HPSE2: variants seen among roughly 807,000 people sequenced by gnomAD.
HPSE2 encodes inactive heparanase-2.
In HPSE2, 38 loss-of-function variants were observed where a neutral mutation model predicts 60.5. That is an observed-to-expected ratio of 0.63 (90% CI 0.48 to 0.82). HPSE2 has a LOEUF of 0.82. Among genes scored for constraint, HPSE2 ranks in the 40% least tolerant of loss-of-function variants. HPSE2 has a pLI of 0.00. For missense variants in HPSE2, 713 were observed against 740.4 expected, an observed-to-expected ratio of 0.96 and a Z score of 0.43; for synonymous variants, 295 against 293.2, an observed-to-expected ratio of 1.01 and a Z score of -0.06.
chr10:98,695,557 G>A (rs1948189650), intron 5 of HPSE2, among the ~76,000 whole-genome samples: 1 of 152,160 alleles, frequency 6.6e-6, no homozygotes, highest in African/African-American at 2.4e-5. Context: ...TGGTAAGGTG[G>A]ATATTGTCAG....
chr10:99,243,091 C>T, the HPSE2 span, among the ~76,000 whole-genome samples: 7 of 152,142 alleles, frequency 4.6e-5, no homozygotes, highest in Middle Eastern at 3.2e-3. Context: ...CAGTGGCTCA[C>T]GCCTATAATC....
intron 3 of HPSE2, among the ~76,000 whole-genome samples, chr10:98,776,827 T>C (rs564310093): frequency 1.7e-4 from 26 of 151,836 alleles, no homozygotes; most frequent in Admixed American, 9.2e-4. Context: ...TCAATGAATA[T>C]TGGGTTTCTT....
chr10:98,758,479 T>G (rs982100939), intron 3 of HPSE2, among the ~76,000 whole-genome samples: 19 of 152,190 alleles, frequency 1.2e-4, no homozygotes, highest in African/African-American at 4.6e-4. Context: ...CTTGAACAAA[T>G]TAACAAGCAA....
At chr10:98,737,959 GA>G in intron 4 of HPSE2, among the ~76,000 whole-genome samples, 1 of 152,192 alleles carries the variant, frequency 6.6e-6, no homozygotes, top group East Asian at 1.9e-4. Context: ...TTTCTTCACA[GA>G]AGTAGAAAAA....
chr10:99,305,961 ACGCGCGCGCGCGCG>A, the HPSE2 span, among the ~76,000 whole-genome samples: 9 of 103,068 alleles, frequency 8.7e-5, no homozygotes, highest in African/African-American at 1.3e-4. Flanking sequence ...ACTCACACAC[ACGCGCGCGCGCGCG>A]CGCGCACACA....
Position 98,597,922 on chromosome 10 carries a change from G to A in HPSE2, c.1320+16982C>T, listed in dbSNP as rs1329943925. Among the ~76,000 whole-genome samples, 8 of 123,368 alleles carry A rather than the reference G, an allele frequency of 6.5e-5. No individual in the cohort carries two copies. In the South Asian group the frequency reaches 7.9e-4, roughly 12 times the overall value. 80.9% of individuals were successfully genotyped at this position (123,368 alleles called of 152,430 possible). A position where few individuals can be genotyped will look rare whatever the true frequency, so the allele number is the denominator to read the frequency against. ...GGAGGTGGAGGTTGCAGTGAGCCGA[G>A]ATCATGCCACTGCACTCCAGCCTGG... On this transcript the variant is annotated intron_variant, in intron 9 of 11. Coordinates refer to ENST00000370552, the MANE Select transcript of HPSE2 (RefSeq NM_021828.5).
intron 9 of HPSE2, among the ~76,000 whole-genome samples, chr10:98,541,827 G>C (rs1340320247): frequency 2.0e-5 from 3 of 152,252 alleles, no homozygotes; most frequent in African/African-American, 7.2e-5. Context: ...AGCTGGAACT[G>C]GGTGGAGCCC....
chr10:99,182,620 T>C (rs1334953944), intron 2 of HPSE2, among the ~76,000 whole-genome samples: 1 of 152,190 alleles, frequency 6.6e-6, no homozygotes, highest in African/African-American at 2.4e-5. Flanking sequence ...GGAGACATTC[T>C]GAGAAACTTA....
chr10:99,220,117 T>C (rs988551876), intron 2 of HPSE2, among the ~76,000 whole-genome samples: 1 of 152,218 alleles, frequency 6.6e-6, no homozygotes, highest in Non-Finnish European at 1.5e-5. Flanking sequence ...ATAAGGTTAG[T>C]TTTGCTATGG....
chr10:98,986,014 C>G (rs1050656602), intron 3 of HPSE2, among the ~76,000 whole-genome samples: 26 of 152,144 alleles, frequency 1.7e-4, no homozygotes, highest in Non-Finnish European at 2.5e-4. Context: ...GACCTACAAA[C>G]AGACTTAGAC....
At chr10:99,001,097 C>T (rs886393342) in intron 3 of HPSE2, among the ~76,000 whole-genome samples, 1 of 152,004 alleles carries the variant, frequency 6.6e-6, no homozygotes, top group African/African-American at 2.4e-5. Flanking sequence ...AATAAACAAC[C>T]TCATTTCTCT....
chr10:98,536,111 G>C (rs1283298197), intron 9 of HPSE2, among the ~76,000 whole-genome samples: 1 of 152,220 alleles, frequency 6.6e-6, no homozygotes, highest in East Asian at 1.9e-4. Context: ...CCCTTAGGAA[G>C]TCCTGCATGG....
chr10:98,896,946 A>G (rs1953509110), intron 3 of HPSE2, among the ~76,000 whole-genome samples: 2 of 152,226 alleles, frequency 1.3e-5, no homozygotes, highest in Admixed American at 1.3e-4. Context: ...AAGAAGTTGA[A>G]TTAATAATGA....
chr10:98,761,916 A>C (rs1375637809), intron 3 of HPSE2, among the ~76,000 whole-genome samples: 1 of 152,084 alleles, frequency 6.6e-6, no homozygotes, highest in Non-Finnish European at 1.5e-5. Context: ...TAGCCATAGA[A>C]TCAGAAAAAG....
intron 2 of HPSE2, among the ~76,000 whole-genome samples, chr10:99,212,820 T>C (rs1848994209): frequency 1.3e-5 from 2 of 152,178 alleles, no homozygotes; most frequent in African/African-American, 4.8e-5. Flanking sequence ...TGAGGTAATA[T>C]ATATGTTAAT....
At chr10:98,947,232 C>T (rs757446682) in intron 3 of HPSE2, among the ~76,000 whole-genome samples, 1 of 152,090 alleles carries the variant, frequency 6.6e-6, no homozygotes, top group African/African-American at 2.4e-5. Context: ...GAAAACCTTG[C>T]AAAATTTTTG....
At chr10:99,180,976 TGTATATTA>T (rs1258498731) in intron 2 of HPSE2, among the ~76,000 whole-genome samples, 2 of 142,674 alleles carry the variant, frequency 1.4e-5, no homozygotes, top group African/African-American at 5.4e-5. Flanking sequence ...TTGGTGGGAG[TGTATATTA>T]GTTCAACCAT....
intron 9 of HPSE2, among the ~76,000 whole-genome samples, chr10:98,593,051 C>A (rs1945133162): frequency 6.6e-6 from 1 of 152,152 alleles, no homozygotes; most frequent in Admixed American, 6.5e-5. Context: ...TAATCCCAGC[C>A]AATTTAATAA....
rs1050101316 is a variant in HPSE2, at chr10:99,230,232, AT to A, written c.448+2115del. Among the ~76,000 whole-genome samples, 414 of 151,682 alleles carry A rather than the reference AT, an allele frequency of 2.7e-3. 3 individuals carry two copies. Among genetic ancestry groups the A allele is most frequent in the Middle Eastern group, 0.014 (4 of 294 alleles). On this transcript the variant is annotated intron_variant, in intron 2 of 11. Coordinates refer to ENST00000370552, the MANE Select transcript of HPSE2 (RefSeq NM_021828.5). ...AGATAAAAAACAGCTATGAGGAAACATTTTTTTTTAAGCTAACACTCACACC... is the reference window on the plus strand; with the variant it reads ...AGATAAAAAACAGCTATGAGGAAACATTTTTTTTAAGCTAACACTCACACC...
Sources: gnomAD v4.1 joint callset for allele counts (sites outside exome capture counted in the v4.1 genomes callset) on GRCh38, gnomAD v4.1.1 for gene constraint, MANE v1.5 for transcripts, NCBI Gene and HGNC (gene_info 2026-07-23, HGNC 2026-07-21) for gene names.